Variants in DRC9 observed in about 807,000 individuals in gnomAD.
DRC9 encodes dynein regulatory complex protein 9.
At chr3:197,947,710 T>C in the DRC9 span, among the ~76,000 whole-genome samples, 3 of 152,164 alleles carry the variant, frequency 2.0e-5, no homozygotes, top group East Asian at 5.8e-4. Context: ...CCAGGGGAGA[T>C]TCCAGAAAGA....
At chr3:197,938,796 AC>A in the DRC9 span, 1 of 1,567,480 alleles carries the variant, frequency 6.4e-7, no homozygotes, top group South Asian at 1.1e-5. Flanking sequence ...AAAACAATAA[AC>A]AATTAGAAAG....
the DRC9 span, among the ~76,000 whole-genome samples, chr3:197,932,896 G>GTATAATATA: frequency 5.8e-5 from 5 of 86,494 alleles, no homozygotes; most frequent in South Asian, 1.5e-3. Flanking sequence ...TATAATATAT[G>GTATAATATA]TATTATATAT....
the DRC9 span, among the ~76,000 whole-genome samples, chr3:197,910,070 T>C: frequency 6.6e-6 from 1 of 152,202 alleles, no homozygotes; most frequent in Non-Finnish European, 1.5e-5. Flanking sequence ...GAAATACATG[T>C]GGAAGAAACT....
chr3:197,945,670 C>T, the DRC9 span: 3 of 1,483,956 alleles, frequency 2.0e-6, no homozygotes, highest in Non-Finnish European at 1.8e-6. Flanking sequence ...TTTATAATCT[C>T]ACAAAAGTGC....
the DRC9 span, chr3:197,912,654 A>G: frequency 2.5e-6 from 4 of 1,594,056 alleles, no homozygotes; most frequent in Non-Finnish European, 3.4e-6. Context: ...GTCAAAGCAT[A>G]GAAAAGCTGT....
At chr3:197,943,466 T>A in the DRC9 span, among the ~76,000 whole-genome samples, 1 of 152,044 alleles carries the variant, frequency 6.6e-6, no homozygotes, top group South Asian at 2.1e-4. Flanking sequence ...TGAGATCCCA[T>A]CTCTATAGAA....
the DRC9 span, among the ~76,000 whole-genome samples, chr3:197,898,125 C>T: frequency 1.3e-5 from 2 of 152,012 alleles, no homozygotes; most frequent in Non-Finnish European, 1.5e-5. Context: ...CAATGCAAGA[C>T]AGTAAGAATA....
chr3:197,922,199 T>C, the DRC9 span, among the ~76,000 whole-genome samples: 1 of 152,218 alleles, frequency 6.6e-6, no homozygotes, highest in African/African-American at 2.4e-5. Flanking sequence ...TCACAATATC[T>C]GAATGATATT....
the DRC9 span, chr3:197,953,442 C>T: frequency 2.2e-6 from 1 of 456,708 alleles, no homozygotes. Context: ...TTCTCTCATT[C>T]AGTAAAAGCC....
the DRC9 span, among the ~76,000 whole-genome samples, chr3:197,905,406 A>C: frequency 6.6e-6 from 1 of 152,120 alleles, no homozygotes; most frequent in Admixed American, 6.5e-5. Flanking sequence ...AAGAGTTTAA[A>C]ATAGAAACAA....
the DRC9 span, chr3:197,891,403 G>A: frequency 1.9e-6 from 2 of 1,029,072 alleles, no homozygotes; most frequent in African/African-American, 1.6e-5. Context: ...GTGTTCCTCA[G>A]TGTTAAGCCA....
the DRC9 span, among the ~76,000 whole-genome samples, chr3:197,904,728 C>T: frequency 7.2e-5 from 11 of 152,200 alleles, no homozygotes; most frequent in Middle Eastern, 3.4e-3. Context: ...GGCGTGGTGG[C>T]GCACACCTGT....
the DRC9 span, among the ~76,000 whole-genome samples, chr3:197,928,230 C>T: frequency 6.6e-6 from 1 of 152,008 alleles, no homozygotes; most frequent in South Asian, 2.1e-4. Context: ...TCTTACAAAA[C>T]TAAGTTATAT....
chr3:197,938,505 G>T, the DRC9 span: 2 of 1,466,292 alleles, frequency 1.4e-6, no homozygotes, highest in Non-Finnish European at 1.9e-6. Context: ...GCTCATCTAT[G>T]TGTAAATACG....
the DRC9 span, among the ~76,000 whole-genome samples, chr3:197,922,114 G>GTTTC: frequency 1.3e-5 from 2 of 152,228 alleles, no homozygotes; most frequent in South Asian, 2.1e-4. Context: ...TCTAGTCTTG[G>GTTTC]TTTCTTTCTT....
At chr3:197,911,055 A>AC in the DRC9 span, among the ~76,000 whole-genome samples, 1 of 152,084 alleles carries the variant, frequency 6.6e-6, no homozygotes, top group Admixed American at 6.6e-5. Context: ...TATATTATAG[A>AC]CCCAGCTTGG....
the DRC9 span, among the ~76,000 whole-genome samples, chr3:197,904,928 T>A: frequency 2.0e-5 from 3 of 152,274 alleles, no homozygotes; most frequent in Non-Finnish European, 2.9e-5. Flanking sequence ...GATTGTGTCA[T>A]TTGCAACAAT....
At chr3:197,911,758 GC>G in the DRC9 span, among the ~76,000 whole-genome samples, 1 of 151,882 alleles carries the variant, frequency 6.6e-6, no homozygotes, top group Non-Finnish European at 1.5e-5. Context: ...TATTGCCTCA[GC>G]CTTCTGAGTA....
the DRC9 span, chr3:197,950,074 T>G: frequency 8.5e-7 from 1 of 1,179,022 alleles, no homozygotes; most frequent in Non-Finnish European, 1.1e-6. Flanking sequence ...TGTGGCTTAT[T>G]TCAGTGCGAA....
Sources: allele counts gnomAD v4.1 joint callset (sites outside exome capture counted in the v4.1 genomes callset), GRCh38; gene constraint gnomAD v4.1.1; transcripts MANE v1.5; gene names NCBI Gene and HGNC (gene_info 2026-07-23, HGNC 2026-07-21).